Variants in TMEM232 observed in about 807,000 individuals in gnomAD.
The protein encoded by TMEM232 is transmembrane protein 232.
In TMEM232, 80 loss-of-function variants were observed where a neutral mutation model predicts 78.8. The observed-to-expected ratio is 1.01, with a 90% CI of 0.85 to 1.22. The LOEUF (loss-of-function observed/expected upper bound fraction) is 1.22. Ranked by LOEUF, TMEM232 falls within the 50% of genes most tolerant of loss-of-function variation. TMEM232 has a pLI of 0.00. For synonymous variants in TMEM232, 297 were observed against 254.3 expected (o/e 1.17, Z -1.60); for missense variants, 881 against 742.2 (o/e 1.19, Z -2.17).
chr5:110,406,493 T>TA (rs1297691959), intron 2 of TMEM232, among the ~76,000 whole-genome samples: 2 of 151,664 alleles, frequency 1.3e-5, no homozygotes, highest in Admixed American at 1.3e-4. Flanking sequence ...GTGCTCAAAT[T>TA]AAAAAAAACT....
At chr5:110,709,474 T>C (rs1020749612) in intron 1 of TMEM232, among the ~76,000 whole-genome samples, 3 of 152,090 alleles carry the variant, frequency 2.0e-5, no homozygotes, top group African/African-American at 7.2e-5. Flanking sequence ...GAATAGACCA[T>C]ATGTTAGGTC....
rs1191527863 is a variant in TMEM232, at chr5:110,720,751, C to A, written c.-13+5876G>T. Reference sequence around the variant, plus strand: ...TACTTCAGATAAAATCATACGCTTTCTGGACTAGAAGCTTGACTGAGTGCT... The same window carrying A: ...TACTTCAGATAAAATCATACGCTTTATGGACTAGAAGCTTGACTGAGTGCT... On this transcript the variant is annotated intron_variant, in intron 1 of 13. Transcript: ENST00000455884. 3 of 152,106 alleles carry A rather than the reference C, an allele frequency of 2.0e-5. No individual in the cohort carries two copies. The East Asian group carries it at 5.8e-4, about 29-fold the overall frequency. 9.4% of individuals were successfully genotyped at this position (152,106 alleles called of 1,614,324 possible).
intron 2 of TMEM232, among the ~76,000 whole-genome samples, chr5:110,653,565 C>G (rs1480560691): frequency 6.6e-6 from 1 of 152,086 alleles, no homozygotes; most frequent in African/African-American, 2.4e-5. Context: ...CACATGATCA[C>G]CCAGAATTTA....
At chr5:110,704,385 A>C (rs906003717) in intron 1 of TMEM232, among the ~76,000 whole-genome samples, 1 of 152,138 alleles carries the variant, frequency 6.6e-6, no homozygotes, top group African/African-American at 2.4e-5. Flanking sequence ...AGAGATCTCC[A>C]GTTAAAGACC....
chr5:110,678,908 G>GTTT (rs1261492624), intron 1 of TMEM232, among the ~76,000 whole-genome samples: 3 of 152,106 alleles, frequency 2.0e-5, no homozygotes, highest in Non-Finnish European at 4.4e-5. Flanking sequence ...ATGTACCACT[G>GTTT]TTTTCCATTT....
At chr5:110,667,394 T>C in intron 1 of TMEM232, 30 bp from the exon 2 acceptor site, 1 of 1,455,280 alleles carries the variant, frequency 6.9e-7, no homozygotes, top group Non-Finnish European at 9.1e-7. Context: ...TATGTTAGCA[T>C]ACAAATGCAC....
intron 2 of TMEM232, among the ~76,000 whole-genome samples, chr5:110,654,093 G>A (rs1166049690): frequency 2.0e-5 from 3 of 152,210 alleles, no homozygotes; most frequent in East Asian, 1.9e-4. Context: ...TATATAATAT[G>A]GGGTGCAAAT....
chr5:110,700,055 A>G (rs13360927), intron 1 of TMEM232, among the ~76,000 whole-genome samples: 14,204 of 152,082 alleles, frequency 0.093, 780 homozygotes, highest in South Asian at 0.18. Context: ...AAGGTTGACT[A>G]GAAAAATCCA....
intron 11 of TMEM232, among the ~76,000 whole-genome samples, chr5:110,549,596 T>C (rs1450302366): frequency 2.0e-5 from 2 of 101,330 alleles, no homozygotes; most frequent in Non-Finnish European, 3.6e-5. Context: ...ACAGCGCAAG[T>C]CCCTGTCTCA....
At chr5:110,592,087 C>A (rs760813861) in intron 10 of TMEM232, among the ~76,000 whole-genome samples, 1 of 152,054 alleles carries the variant, frequency 6.6e-6, no homozygotes, top group Non-Finnish European at 1.5e-5. Flanking sequence ...CAATGGACCA[C>A]ATCAGTACAG....
In TMEM232 at chr5:110,670,367, G is replaced by A. The variant is rs1354137158; in HGVS notation, c.-12-3003C>T. Among the ~76,000 whole-genome samples the A allele has an allele frequency of 2.0e-5, 3 of 152,130 alleles. No homozygotes were observed. The East Asian group carries it at 5.8e-4, about 29-fold the overall frequency. On this transcript the variant is annotated intron_variant, in intron 1 of 13. Transcript: ENST00000455884. ...ACAAACAGAGAGCCAAATCATGAGT[G>A]AACTCCCATTCACAATTGCTTGAAG...
In TMEM232 at chr5:110,627,796, G is replaced by A. The variant is rs778315860; in HGVS notation, c.586C>T (p.Gln196Ter). ...ESFKQHLLRL[Q>*]PYLYALSFSG... ...GATATTCTACCGTATAAATATGGTT[G>A]AAGCCTAAGTAAATGTTGTTTAAAA... The change falls in exon 6 of 14, where the codon CAA becomes TAA. Residue 196 changes from glutamine (Q) to a stop codon, truncating the protein, a stop_gained. Coordinates refer to ENST00000455884, the MANE Select transcript of TMEM232 (RefSeq NM_001039763.4). LOFTEE classifies it high-confidence loss of function. 4.6e-6 allele frequency: 7 copies of A among 1,518,974 alleles called. No individual in the cohort carries two copies. The highest frequency in any genetic ancestry group is 5.3e-6 in the Non-Finnish European group (6 of 1,132,444). The allele number at this position is 1,518,974 out of a possible 1,614,324, so 94.1% of individuals were successfully genotyped here.
chr5:110,488,674 A>C (rs1240573029), intron 12 of TMEM232, among the ~76,000 whole-genome samples: 1 of 152,046 alleles, frequency 6.6e-6, no homozygotes, highest in African/African-American at 2.4e-5. Context: ...AAGTAGAGCA[A>C]GATAAACCTA....
chr5:110,492,384 C>T (rs1218177845), intron 12 of TMEM232, among the ~76,000 whole-genome samples: 1 of 151,638 alleles, frequency 6.6e-6, no homozygotes, highest in East Asian at 1.9e-4. Context: ...GGAGTTTTAC[C>T]AGGAGTGTTA....
intron 12 of TMEM232, among the ~76,000 whole-genome samples, chr5:110,522,805 G>A (rs1474527007): frequency 6.6e-6 from 1 of 152,044 alleles, no homozygotes; most frequent in Non-Finnish European, 1.5e-5. Flanking sequence ...GATGCTTCTG[G>A]ATTCTGTTTG....
intron 1 of TMEM232, among the ~76,000 whole-genome samples, chr5:110,689,957 C>T (rs1157790436): frequency 6.6e-6 from 1 of 152,154 alleles, no homozygotes; most frequent in South Asian, 2.1e-4. Context: ...AACTGGACCC[C>T]TTCCTTACAC....
intron 12 of TMEM232, among the ~76,000 whole-genome samples, chr5:110,461,462 T>C (rs1274241276): frequency 6.6e-6 from 1 of 152,152 alleles, no homozygotes; most frequent in Non-Finnish European, 1.5e-5. Context: ...TGTTCCTATA[T>C]CATAACAGTG....
intron 1 of TMEM232, among the ~76,000 whole-genome samples, chr5:110,719,075 C>T (rs115284091): frequency 0.012 from 1,838 of 152,042 alleles, 44 homozygotes; most frequent in African/African-American, 0.041. Flanking sequence ...CACACCTAGG[C>T]TTTATGGTTT....
intron 1 of TMEM232, among the ~76,000 whole-genome samples, chr5:110,692,265 A>C (rs1029673164): frequency 6.6e-6 from 1 of 152,172 alleles, no homozygotes; most frequent in Non-Finnish European, 1.5e-5. Flanking sequence ...CCGAGCTATT[A>C]GTCCTCAAAC....
Sources: allele counts gnomAD v4.1 joint callset (sites outside exome capture counted in the v4.1 genomes callset), GRCh38; gene constraint gnomAD v4.1.1; transcripts MANE v1.5; gene names NCBI Gene and HGNC (gene_info 2026-07-23, HGNC 2026-07-21).